Variants in SHANK2 observed in about 807,000 individuals in gnomAD.
SHANK2 encodes the protein SH3 and multiple ankyrin repeat domains 2, also known as SH3 and multiple ankyrin repeat domains protein 2.
In SHANK2, 43 loss-of-function variants were observed where a neutral mutation model predicts 133.7. The observed-to-expected ratio is 0.32, with a 90% CI of 0.25 to 0.41. The LOEUF (loss-of-function observed/expected upper bound fraction) is 0.41. SHANK2 is among the 10% of genes least tolerant of loss of function. The pLI, the probability that SHANK2 is intolerant of heterozygous loss-of-function variation, is 1.00. For synonymous variants in SHANK2, 1,017 were observed against 952.8 expected (o/e 1.07, Z -1.24); for missense variants, 1,994 against 2,235.8 (o/e 0.89, Z 2.18).
chr11:70,539,036 C>T (rs913097940), intron 17 of SHANK2, among the ~76,000 whole-genome samples: 1 of 152,210 alleles, frequency 6.6e-6, no homozygotes, highest in Non-Finnish European at 1.5e-5. Flanking sequence ...CGCTCGGGGC[C>T]GATGTACGGG....
intron 2 of SHANK2, among the ~76,000 whole-genome samples, chr11:71,212,317 T>C (rs1292255777): frequency 2.0e-5 from 3 of 151,598 alleles, no homozygotes; most frequent in African/African-American, 7.3e-5. Flanking sequence ...AAAAGACAGA[T>C]TCCTACTGAA....
intron 14 of SHANK2, among the ~76,000 whole-genome samples, chr11:70,702,780 G>A (rs2134519511): frequency 6.6e-6 from 1 of 152,340 alleles, no homozygotes; most frequent in South Asian, 2.1e-4. Context: ...GTTTACAGAA[G>A]TAGCAGAGTG....
chr11:70,792,167 C>T (rs1947802752), intron 14 of SHANK2, among the ~76,000 whole-genome samples: 1 of 151,984 alleles, frequency 6.6e-6, no homozygotes. Context: ...AGTTAATCAA[C>T]CAACCAACCA....
chr11:70,642,562 T>C (rs1555006738), intron 17 of SHANK2, among the ~76,000 whole-genome samples: 1 of 152,120 alleles, frequency 6.6e-6, no homozygotes, highest in East Asian at 1.9e-4. Flanking sequence ...CCGAGAGGTG[T>C]CTCCCCTGTG....
chr11:71,178,856 G>C (rs1209459196), intron 2 of SHANK2, among the ~76,000 whole-genome samples: 1 of 152,066 alleles, frequency 6.6e-6, no homozygotes, highest in African/African-American at 2.4e-5. Flanking sequence ...GGTGGTGCAC[G>C]CCTGTAATCC....
intron 9 of SHANK2, among the ~76,000 whole-genome samples, chr11:71,065,518 T>C (rs1335279313): frequency 9.2e-6 from 1 of 108,944 alleles, no homozygotes; most frequent in Admixed American, 1.1e-4. Flanking sequence ...TTGGGGTGTA[T>C]GTGCAGAACT....
chr11:70,504,944 A>G (rs1192994488), intron 17 of SHANK2, among the ~76,000 whole-genome samples: 3 of 151,968 alleles, frequency 2.0e-5, no homozygotes, highest in Non-Finnish European at 4.4e-5. Context: ...TCATTCACTC[A>G]TTCCAGTGTT....
rs1444486299 is a variant in SHANK2, at chr11:70,479,377, T to A, written c.4979+5937A>T. 6.6e-6 allele frequency among the ~76,000 whole-genome samples: 1 copy of A among 152,198 alleles called. No homozygotes were observed. Among genetic ancestry groups the A allele is most frequent in the African/African-American group, 2.4e-5 (1 of 41,446 alleles). On this transcript the variant is annotated intron_variant, in intron 25 of 25. Transcript: ENST00000601538. The surrounding 1 kb of genome is among the most constrained non-coding windows in gnomAD (Gnocchi z 4.4). ...CAGGATAATACTGCAGAGAGCCCAG[T>A]AGGGACTGGAGGCCTTGGGAAGGGG...
At chr11:70,481,318 A>C (rs1405372550) in intron 25 of SHANK2, among the ~76,000 whole-genome samples, 1 of 152,228 alleles carries the variant, frequency 6.6e-6, no homozygotes, top group African/African-American at 2.4e-5. Flanking sequence ...ATTTCAGGGA[A>C]GAGCTTTGAG....
Position 70,588,828 on chromosome 11 carries a change from CT to C in SHANK2, c.2061+70999del, listed in dbSNP as rs570048006. On this transcript the variant is annotated intron_variant, in intron 17 of 25. Coordinates refer to ENST00000601538, the MANE Select transcript of SHANK2 (RefSeq NM_012309.5). The stretch of plus-strand genomic sequence containing the variant: ...TTTTCAATTGAGACAAGACATCCTT[CT>C]TTTTTTGAGATGGAGTCGCGCTCTG... 4.5e-4 allele frequency among the ~76,000 whole-genome samples: 69 copies of C among 152,268 alleles called. 1 individual carries two copies. In the Middle Eastern group the frequency reaches 0.014, roughly 30 times the overall value.
intron 14 of SHANK2, among the ~76,000 whole-genome samples, chr11:70,745,397 G>T (rs1486481731): frequency 1.3e-5 from 2 of 152,158 alleles, no homozygotes; most frequent in African/African-American, 4.8e-5. Flanking sequence ...CCCTCCTTGG[G>T]TTGAAACACC....
intron 11 of SHANK2, among the ~76,000 whole-genome samples, chr11:70,878,496 G>A (rs1367458575): frequency 1.3e-5 from 2 of 152,176 alleles, no homozygotes; most frequent in African/African-American, 2.4e-5. Flanking sequence ...GGAAAGCCAC[G>A]TTTCAACCCA....
chr11:70,747,002 C>T (rs1555036318), intron 14 of SHANK2, among the ~76,000 whole-genome samples: 1 of 143,836 alleles, frequency 7.0e-6, no homozygotes, highest in African/African-American at 2.6e-5. Context: ...CACCCCCCTA[C>T]CCCTGTACTC....
chr11:70,703,850 C>T (rs1945599204), intron 14 of SHANK2, among the ~76,000 whole-genome samples: 1 of 152,224 alleles, frequency 6.6e-6, no homozygotes, highest in African/African-American at 2.4e-5. Context: ...TTCTGTGGGA[C>T]CAGCCCTTTC....
intron 14 of SHANK2, among the ~76,000 whole-genome samples, chr11:70,751,010 T>C (rs1946739922): frequency 6.6e-6 from 1 of 151,760 alleles, no homozygotes; most frequent in African/African-American, 2.4e-5. Context: ...GAACTAGAAA[T>C]ATGCCAACTC....
chr11:71,089,949 G>A (rs1951477748), intron 8 of SHANK2, among the ~76,000 whole-genome samples: 1 of 152,180 alleles, frequency 6.6e-6, no homozygotes, highest in African/African-American at 2.4e-5. Context: ...TTTCCACCAG[G>A]GACAAAGCGA....
chr11:71,158,729 T>C (rs563070220), intron 2 of SHANK2, among the ~76,000 whole-genome samples: 1 of 152,324 alleles, frequency 6.6e-6, no homozygotes, highest in Non-Finnish European at 1.5e-5. Context: ...AGTTATAATA[T>C]GAAAACAGTA....
chr11:70,815,416 T>C (rs889771783), intron 12 of SHANK2, among the ~76,000 whole-genome samples: 4 of 151,984 alleles, frequency 2.6e-5, no homozygotes, highest in Admixed American at 6.5e-5. Flanking sequence ...GGGAGGGGCT[T>C]GTGCAGTGAT....
intron 21 of SHANK2, among the ~76,000 whole-genome samples, chr11:70,493,373 TAA>T (rs71049919): frequency 9.7e-5 from 12 of 123,400 alleles, no homozygotes; most frequent in Admixed American, 1.7e-4. Flanking sequence ...CCATTTCCTT[TAA>T]AAAAAAAAAA....
Sources: gnomAD v4.1 joint callset for allele counts (sites outside exome capture counted in the v4.1 genomes callset) on GRCh38, gnomAD v4.1.1 for gene constraint, Gnocchi (gnomAD v3.1) non-coding constraint, MANE v1.5 for transcripts, NCBI Gene and HGNC (gene_info 2026-07-23, HGNC 2026-07-21) for gene names.